Variants in EML4 observed in about 807,000 individuals in gnomAD.
EML4 encodes the protein EMAP like 4.
EML4 carries 72 observed loss-of-function variants against 129.0 expected under a neutral mutation model. The observed-to-expected ratio is 0.56, with a 90% CI of 0.46 to 0.68. The LOEUF is 0.68. Ranked by LOEUF, EML4 falls within the 30% of genes least tolerant of loss-of-function variation. EML4 has a pLI of 0.00. For missense variants in EML4, 1,363 were observed against 1,190.6 expected (o/e 1.14, Z -2.13); for synonymous variants, 532 against 405.0 (o/e 1.31, Z -3.77).
chr2:42,228,284 C>G (rs550280930), intron 1 of EML4, among the ~76,000 whole-genome samples: 1 of 151,848 alleles, frequency 6.6e-6, no homozygotes, highest in South Asian at 2.1e-4. Context: ...AGAAAGAATT[C>G]TCCTCATAGA....
At chr2:42,250,903 A>T (rs1049625797) in intron 2 of EML4, among the ~76,000 whole-genome samples, 3 of 152,166 alleles carry the variant, frequency 2.0e-5, no homozygotes, top group Non-Finnish European at 4.4e-5. Flanking sequence ...TGTTGGGGTG[A>T]TGGGAGACAG....
intron 17 of EML4, among the ~76,000 whole-genome samples, chr2:42,305,345 A>C (rs1286494489): frequency 1.3e-5 from 2 of 152,246 alleles, no homozygotes; most frequent in African/African-American, 4.8e-5. Context: ...TGCAGTTGCA[A>C]AATGATAGAG....
intron 11 of EML4, among the ~76,000 whole-genome samples, chr2:42,290,781 AC>A (rs1418449067): frequency 6.6e-6 from 1 of 152,172 alleles, no homozygotes; most frequent in African/African-American, 2.4e-5. Context: ...CAGTAAGGCA[AC>A]TTAAAAACCT....
chr2:42,287,299 A>T (rs1453993967), intron 10 of EML4, among the ~76,000 whole-genome samples: 1 of 152,186 alleles, frequency 6.6e-6, no homozygotes, highest in African/African-American at 2.4e-5. Flanking sequence ...ACATTTAGAA[A>T]AGGAGATAAG....
chr2:42,182,789 A>T (rs2103850856), intron 1 of EML4, among the ~76,000 whole-genome samples: 1 of 152,308 alleles, frequency 6.6e-6, no homozygotes, highest in African/African-American at 2.4e-5. Flanking sequence ...TGGAAGCTAG[A>T]GGTCAGAAAT....
At chr2:42,252,673 C>T (rs980845396) in intron 2 of EML4, among the ~76,000 whole-genome samples, 7 of 152,194 alleles carry the variant, frequency 4.6e-5, no homozygotes, top group Non-Finnish European at 1.0e-4. Context: ...GCCGCAAATA[C>T]ATACACTCTC....
At chr2:42,318,798 G>A (rs188250705) in intron 19 of EML4, among the ~76,000 whole-genome samples, 8 of 151,808 alleles carry the variant, frequency 5.3e-5, no homozygotes, top group Admixed American at 2.6e-4. Context: ...TCAAACTCCT[G>A]GGCTGAAGCA....
At chr2:42,277,106 C>T (rs1233012316) in intron 6 of EML4, among the ~76,000 whole-genome samples, 2 of 152,142 alleles carry the variant, frequency 1.3e-5, no homozygotes, top group Non-Finnish European at 2.9e-5. Flanking sequence ...TATACCTACA[C>T]TCCTTTCTAA....
chr2:42,198,963 A>G (rs1330531537), intron 1 of EML4, among the ~76,000 whole-genome samples: 1 of 152,202 alleles, frequency 6.6e-6, no homozygotes, highest in Non-Finnish European at 1.5e-5. Context: ...GGGAAGACCC[A>G]GGGGCCAAAA....
Position 42,303,420 on chromosome 2 carries a change from A to C in EML4, c.1873A>C (p.Arg625=), listed in dbSNP as rs1376016265. ...GTGCCTGTGGAACTCAATGGAACAC[A>C]GGCTGGAATGGACCAGGCTGGTAGA... is the stretch of plus-strand genomic sequence containing the variant. The part of the protein sequence containing the change: ...QVCLWNSMEH[R]LEWTRLVDEP... Residue 625 remains arginine (R), a synonymous_variant, in exon 16 of 23, where the codon AGG becomes CGG. Transcript: ENST00000318522. 1 of 1,613,990 alleles carries C rather than the reference A, an allele frequency of 6.2e-7. No individual in the cohort carries two copies. Among genetic ancestry groups the C allele is most frequent in the East Asian group, 2.2e-5 (1 of 44,892 alleles).
chr2:42,269,932 G>A (rs1486319188), intron 6 of EML4, among the ~76,000 whole-genome samples: 1 of 152,160 alleles, frequency 6.6e-6, no homozygotes, highest in South Asian at 2.1e-4. Context: ...ATGAGACCTA[G>A]TTAGGGGTAA....
chr2:42,248,773 AC>A (rs749592254), intron 2 of EML4, among the ~76,000 whole-genome samples: 60 of 152,020 alleles, frequency 3.9e-4, no homozygotes, highest in Non-Finnish European at 7.6e-4. Context: ...TCTTTGAGTT[AC>A]TCTGTTACCT....
At chr2:42,260,997 C>T (rs1665698048) in intron 3 of EML4, 124 bp from the exon 4 acceptor site, 1 of 663,206 alleles carries the variant, frequency 1.5e-6, no homozygotes, top group East Asian at 2.6e-5. Flanking sequence ...TGAATGAAAA[C>T]AGTGCAAATT....
chr2:42,254,941 G>T (rs568304069), intron 2 of EML4, among the ~76,000 whole-genome samples: 1 of 152,140 alleles, frequency 6.6e-6, no homozygotes, highest in Non-Finnish European at 1.5e-5. Flanking sequence ...ATATTTTTCT[G>T]TTATAAAGAA....
intron 1 of EML4, among the ~76,000 whole-genome samples, chr2:42,214,166 G>T (rs1190564359): frequency 1.3e-5 from 2 of 152,132 alleles, no homozygotes; most frequent in African/African-American, 2.4e-5. Context: ...AACAGCTTGG[G>T]CGGGAGTCAC....
intron 1 of EML4, 102 bp downstream of exon 1, chr2:42,169,738 GC>G (rs1670146067): frequency 1.5e-6 from 2 of 1,374,470 alleles, no homozygotes; most frequent in South Asian, 2.6e-5. Context: ...CCTCGGGGTG[GC>G]AGCGGCTCCA....
chr2:42,312,615 G>A (rs1192347615), intron 17 of EML4, among the ~76,000 whole-genome samples: 3 of 151,234 alleles, frequency 2.0e-5, no homozygotes, highest in African/African-American at 7.3e-5. Context: ...GTGCAGTGGC[G>A]CAATCTCGGC....
rs1461175786 is a variant in EML4 at position 42,329,940 on chromosome 2, C to T, written c.2679C>T (p.Ile893=). 5 of 1,613,962 alleles carry T rather than the reference C, an allele frequency of 3.1e-6. No homozygotes were observed. Among genetic ancestry groups the T allele is most frequent in the Non-Finnish European group, 3.4e-6 (4 of 1,179,998 alleles). ...CCGTCTCTTCCACTGAAAGTGTCAT[C>T]CAATCTAATACTCCCACACCGCCTC... ...KAPVSSTESV[I]QSNTPTPPPS... is the part of the protein sequence containing the mutation. The change falls in exon 23 of 23, where the codon ATC becomes ATT. Residue 893 remains isoleucine, a synonymous_variant. Coordinates refer to ENST00000318522, the MANE Select transcript of EML4 (RefSeq NM_019063.5).
At chr2:42,259,605 A>G (rs1665580985) in intron 3 of EML4, among the ~76,000 whole-genome samples, 1 of 152,108 alleles carries the variant, frequency 6.6e-6, no homozygotes, top group African/African-American at 2.4e-5. Flanking sequence ...ATCCATAAAT[A>G]ACTTTCTAAA....
Sources: allele counts gnomAD v4.1 joint callset (sites outside exome capture counted in the v4.1 genomes callset), GRCh38; gene constraint gnomAD v4.1.1; transcripts MANE v1.5; gene names NCBI Gene and HGNC (gene_info 2026-07-23, HGNC 2026-07-21).